STPG2: variants seen among roughly 807,000 people sequenced by gnomAD.
STPG2 encodes the protein sperm tail PG-rich repeat containing 2.
A neutral mutation model predicts 54.2 loss-of-function variants in STPG2; 56 were observed. The observed-to-expected ratio is 1.03, with a 90% CI of 0.83 to 1.29. The LOEUF is 1.29. Among genes scored for constraint, STPG2 ranks in the 50% most tolerant of loss-of-function variants. The probability of loss-of-function intolerance (pLI) is 0.00; values close to 1 mark genes in which losing one functional copy is unlikely to be tolerated. For missense variants in STPG2, 596 were observed against 544.9 expected, an observed-to-expected ratio of 1.09 and a Z score of -0.93; for synonymous variants, 200 against 181.8, an observed-to-expected ratio of 1.10 and a Z score of -0.81.
intron 10 of STPG2, among the ~76,000 whole-genome samples, chr4:97,561,843 G>A (rs1198385312): frequency 6.6e-6 from 1 of 152,096 alleles, no homozygotes; most frequent in Non-Finnish European, 1.5e-5. Context: ...GGTTATTGTA[G>A]CCTTGTAGTA....
At chr4:97,449,972 T>C (rs1729323867) in intron 4 of STPG2, among the ~76,000 whole-genome samples, 1 of 152,146 alleles carries the variant, frequency 6.6e-6, no homozygotes, top group African/African-American at 2.4e-5. Flanking sequence ...AATTTGAAGA[T>C]ATATTGTAAA....
chr4:97,645,513 T>C (rs566732572), intron 10 of STPG2, among the ~76,000 whole-genome samples: 14 of 152,312 alleles, frequency 9.2e-5, no homozygotes, highest in Admixed American at 2.6e-4. Context: ...CTTCACTAGC[T>C]GCCTTTTAAC....
chr4:97,679,409 C>G (rs942031924), intron 10 of STPG2, among the ~76,000 whole-genome samples: 1 of 152,134 alleles, frequency 6.6e-6, no homozygotes. Context: ...TGTTTCTTGG[C>G]TGCATACATG....
chr4:97,821,872 C>T (rs1728102509), intron 9 of STPG2, among the ~76,000 whole-genome samples: 1 of 152,166 alleles, frequency 6.6e-6, no homozygotes, highest in Non-Finnish European at 1.5e-5. Flanking sequence ...CCTGGTCCCC[C>T]AAGTCATTCT....
chr4:97,523,744 T>A (rs141346849), intron 4 of STPG2, among the ~76,000 whole-genome samples: 1 of 151,986 alleles, frequency 6.6e-6, no homozygotes, highest in African/African-American at 2.4e-5. Flanking sequence ...GAAATAACTA[T>A]CTTATTTCAT....
chr4:97,823,830 AG>A (rs1357715984), intron 9 of STPG2, among the ~76,000 whole-genome samples: 1 of 152,174 alleles, frequency 6.6e-6, no homozygotes, highest in Admixed American at 6.5e-5. Flanking sequence ...TAGGAAATTT[AG>A]AGTCTCTCCT....
Position 98,016,509 on chromosome 4 carries a change from G to A in STPG2, c.613-35191C>T, listed in dbSNP as rs185278289. 3.3e-5 allele frequency among the ~76,000 whole-genome samples: 5 copies of A among 151,994 alleles called. 1 individual carries two copies. In the East Asian group the frequency reaches 7.7e-4, roughly 24 times the overall value. The stretch of plus-strand genomic sequence containing the variant: ...CAAATAACCTGTCTTTGAGTTCACT[G>A]ATTTTTGTCTCCTGCTAGATCAAGT... On this transcript the variant is annotated intron_variant, in intron 5 of 10. Coordinates refer to ENST00000295268, the MANE Select transcript of STPG2 (RefSeq NM_174952.3).
rs559348872 is a variant in STPG2 at position 97,622,622 on chromosome 4, C to T, written c.1321-63505G>A. ...CTGCACAAAGAAATCAGAAATGGCA[C>T]AAATAAATGGAAAAACATTCCATGC... On this transcript the variant is annotated intron_variant, in intron 10 of 10. Coordinates refer to ENST00000295268, the MANE Select transcript of STPG2 (RefSeq NM_174952.3). Among the ~76,000 whole-genome samples the T allele has an allele frequency of 8.2e-4, 125 of 152,052 alleles. 1 individual carries two copies. Among genetic ancestry groups the T allele is most frequent in the South Asian group, 2.5e-3 (12 of 4,822 alleles).
chr4:97,632,892 A>T (rs1406826154), intron 10 of STPG2, among the ~76,000 whole-genome samples: 1 of 152,188 alleles, frequency 6.6e-6, no homozygotes, highest in African/African-American at 2.4e-5. Flanking sequence ...TTATTCATTC[A>T]ACAACAATTC....
intron 9 of STPG2, among the ~76,000 whole-genome samples, chr4:97,742,028 G>A (rs1435585575): frequency 6.6e-6 from 1 of 152,098 alleles, no homozygotes; most frequent in African/African-American, 2.4e-5. Flanking sequence ...GGAATACAAT[G>A]CAGCCATACA....
At chr4:97,952,807 T>A (rs1477946920) in intron 7 of STPG2, among the ~76,000 whole-genome samples, 1 of 152,158 alleles carries the variant, frequency 6.6e-6, no homozygotes, top group Non-Finnish European at 1.5e-5. Context: ...GTTAGCCAGG[T>A]TGGTAGCCAG....
chr4:97,670,136 C>A (rs1012495012), intron 10 of STPG2, among the ~76,000 whole-genome samples: 1 of 151,786 alleles, frequency 6.6e-6, no homozygotes, highest in African/African-American at 2.4e-5. Context: ...TTTTGATGAG[C>A]AATAAAGTTT....
At chr4:97,544,803 A>G (rs1731799081) in intron 4 of STPG2, among the ~76,000 whole-genome samples, 1 of 152,114 alleles carries the variant, frequency 6.6e-6, no homozygotes, top group Non-Finnish European at 1.5e-5. Flanking sequence ...TCAGGCAAGA[A>G]TTATTTATTT....
intron 8 of STPG2, among the ~76,000 whole-genome samples, chr4:97,869,785 A>G (rs1729920027): frequency 6.6e-6 from 1 of 151,654 alleles, no homozygotes; most frequent in Non-Finnish European, 1.5e-5. Flanking sequence ...TAATTTCCTG[A>G]GAGTATTTCA....
At chr4:97,560,573 T>G (rs139112002) in intron 10 of STPG2, among the ~76,000 whole-genome samples, 1 of 152,158 alleles carries the variant, frequency 6.6e-6, no homozygotes, top group East Asian at 1.9e-4. Context: ...AGGAGATGAG[T>G]GTCCACTGTT....
chr4:97,991,646 T>A (rs1158760599), intron 5 of STPG2, among the ~76,000 whole-genome samples: 2 of 152,022 alleles, frequency 1.3e-5, no homozygotes, highest in African/African-American at 2.4e-5. Flanking sequence ...GATCAAATGG[T>A]AGATCTACTT....
chr4:97,783,115 A>G (rs796865193), intron 9 of STPG2, among the ~76,000 whole-genome samples: 30 of 152,348 alleles, frequency 2.0e-4, no homozygotes, highest in Admixed American at 5.2e-4. Flanking sequence ...CTGCACAGTG[A>G]AAGAAACTAC....
At chr4:97,923,789 C>T (rs1258008120) in intron 8 of STPG2, among the ~76,000 whole-genome samples, 1 of 152,182 alleles carries the variant, frequency 6.6e-6, no homozygotes, top group Admixed American at 6.5e-5. Context: ...CCAATCAACA[C>T]TCTGTATCTA....
At chr4:97,563,884 G>A (rs559222826) in intron 10 of STPG2, among the ~76,000 whole-genome samples, 10 of 152,136 alleles carry the variant, frequency 6.6e-5, no homozygotes, top group Non-Finnish European at 1.3e-4. Flanking sequence ...TGGAATAGGT[G>A]TGGTGCTGAA....
Sources: gnomAD v4.1 joint callset for allele counts (sites outside exome capture counted in the v4.1 genomes callset) on GRCh38, gnomAD v4.1.1 for gene constraint, MANE v1.5 for transcripts, NCBI Gene and HGNC (gene_info 2026-07-23, HGNC 2026-07-21) for gene names.